Variants in CYP26C1 observed in about 807,000 individuals in gnomAD.
CYP26C1 encodes the protein cytochrome P450 26C1.
A neutral mutation model predicts 39.1 loss-of-function variants in CYP26C1; 41 were observed. The ratio of observed to expected loss-of-function variants is 1.05; its 90% CI spans 0.82 to 1.36. The LOEUF is 1.36. CYP26C1 is among the 40% of genes most tolerant of loss of function. The pLI, the probability that CYP26C1 is intolerant of heterozygous loss-of-function variation, is 0.00. For missense variants in CYP26C1, 833 were observed against 752.0 expected, an observed-to-expected ratio of 1.11 and a Z score of -1.26; for synonymous variants, 362 against 350.8, an observed-to-expected ratio of 1.03 and a Z score of -0.36.
At position 93,069,368 on chromosome 10, in the gene CYP26C1, C is replaced by T. The variant is rs906892512; in HGVS notation, c.*671C>T. On this transcript the variant is annotated 3_prime_UTR_variant, in exon 6 of 6. Transcript: ENST00000651965. ...TGGCCACTTCTTAAAAGGAAAAATT[C>T]CTACCTTAAGAAGGCATTTACTCTT... 6.6e-6 allele frequency: 1 copy of T among 152,208 alleles called. No individual in the cohort carries two copies. The highest frequency in any genetic ancestry group is 1.5e-5 in the Non-Finnish European group (1 of 68,052). The allele number at this position is 152,208 out of a possible 1,614,324, so 9.4% of individuals were successfully genotyped here.
chr10:93,063,365 C>G, intron 3 of CYP26C1: 7 of 1,036,270 alleles, frequency 6.8e-6, no homozygotes, highest in Non-Finnish European at 8.1e-6. Flanking sequence ...ATCACCTCTT[C>G]GGAAGCCCAG....
Position 93,062,798 on chromosome 10 carries a change from C to T in CYP26C1, c.508C>T (p.Arg170Cys), listed in dbSNP as rs746340948. 1 of 1,543,602 alleles carries T rather than the reference C, an allele frequency of 6.5e-7. No homozygotes were observed. Among genetic ancestry groups the T allele is most frequent in the Non-Finnish European group, 8.7e-7 (1 of 1,151,490 alleles). The change falls in exon 3 of 6, where the codon CGC becomes TGC. Residue 170 changes from arginine to cysteine, a missense_variant. Arg to Cys is a radical substitution (Grantham distance 180). Transcript: ENST00000651965. ...GCAGGGGGCGCTGCGGCATGAGGTGCGCTCCTGGTGCGCGGCGGGCGGGCC... is the reference window on the plus strand; with the variant it reads ...GCAGGGGGCGCTGCGGCATGAGGTGTGCTCCTGGTGCGCGGCGGGCGGGCC... ...RLQGALRHEV[R>C]SWCAAGGPVS...
At chr10:93,063,115 G>T (rs1018899328) in intron 3 of CYP26C1, 120 bp downstream of exon 3, 235 of 1,435,490 alleles carry the variant, frequency 1.6e-4, no homozygotes, top group Non-Finnish European at 2.0e-4. Flanking sequence ...TGGGAACGGC[G>T]GCAGGGCCCG....
intron 3 of CYP26C1, chr10:93,064,042 G>A (rs1046951470): frequency 2.1e-5 from 23 of 1,100,092 alleles, no homozygotes; most frequent in East Asian, 1.3e-4. Context: ...GACCCTAGCC[G>A]CACTGGGCTC....
chr10:93,068,232 G>T, intron 5 of CYP26C1, 88 bp from the exon 6 acceptor site: 1 of 1,412,778 alleles, frequency 7.1e-7, no homozygotes, highest in Non-Finnish European at 9.3e-7. Flanking sequence ...TCGGAAGCCT[G>T]ATGGAAGCAC....
Position 93,064,325 on chromosome 10 carries a change from C to T in CYP26C1, c.706-56C>T, listed in dbSNP as rs770989773. ...TGAGAAGGTTTTCTGGGTAAGTGGCCGGGCTTGGCCCCCTTAGCCTTCCTG... is the reference window on the plus strand; with the variant it reads ...TGAGAAGGTTTTCTGGGTAAGTGGCTGGGCTTGGCCCCCTTAGCCTTCCTG... On this transcript the variant is annotated intron_variant, in intron 3 of 5. Transcript: ENST00000651965. 2.9e-4 allele frequency: 444 copies of T among 1,545,370 alleles called. 1 individual carries two copies. Among genetic ancestry groups the T allele is most frequent in the Middle Eastern group, 5.3e-4 (3 of 5,618 alleles).
At chr10:93,062,517 G>A (rs1846764731) in intron 2 of CYP26C1, among the ~76,000 whole-genome samples, 1 of 152,236 alleles carries the variant, frequency 6.6e-6, no homozygotes, top group Non-Finnish European at 1.5e-5. Context: ...TAGAGGAGAT[G>A]GCAGCTGGAG....
At chr10:93,064,243 C>T in intron 3 of CYP26C1, 138 bp from the exon 4 acceptor site, 1 of 1,439,432 alleles carries the variant, frequency 6.9e-7, no homozygotes, top group South Asian at 1.5e-5. Flanking sequence ...AGCCATATGC[C>T]AGGCCAGGAG....
Position 93,068,509 on chromosome 10 carries a change from G to C in CYP26C1, c.1381G>C (p.Gly461Arg), listed in dbSNP as rs759002311. 1.1e-5 allele frequency: 17 copies of C among 1,605,624 alleles called. No homozygotes were observed. The South Asian group carries it at 1.6e-4, about 15-fold the overall frequency. ...PFGGGARSCL[G>R]QELAQAVLQL... Reference sequence around the variant, plus strand: ...CGGCGGCGGTGCGCGCAGCTGCCTCGGCCAGGAGCTGGCGCAAGCCGTGCT... The same window carrying C: ...CGGCGGCGGTGCGCGCAGCTGCCTCCGCCAGGAGCTGGCGCAAGCCGTGCT... Residue 461 changes from glycine (G) to arginine (R), a missense_variant, in exon 6 of 6, where the codon GGC becomes CGC. Physicochemically the swap from Gly to Arg is moderately radical, Grantham distance 125. Coordinates refer to ENST00000651965, the MANE Select transcript of CYP26C1 (RefSeq NM_183374.3).
In CYP26C1 at chr10:93,061,205, G is replaced by A. The variant is rs936879480; in HGVS notation, c.-59G>A. On this transcript the variant is annotated 5_prime_UTR_variant, in exon 1 of 6. Coordinates refer to ENST00000651965, the MANE Select transcript of CYP26C1 (RefSeq NM_183374.3). ...GAGCACTGCGCACTGCTCGCGCCCC[G>A]GTTCTTGCGTCCCCTGCTCTCCCTG... 2 of 1,527,570 alleles carry A rather than the reference G, an allele frequency of 1.3e-6. No homozygotes were observed. Among genetic ancestry groups the A allele is most frequent in the Admixed American group, 2.0e-5 (1 of 50,252 alleles). The allele number at this position is 1,527,570 out of a possible 1,614,324, so 94.6% of individuals were successfully genotyped here.
chr10:93,066,698 C>T (rs1846833963), intron 5 of CYP26C1, among the ~76,000 whole-genome samples: 1 of 152,228 alleles, frequency 6.6e-6, no homozygotes, highest in Non-Finnish European at 1.5e-5. Context: ...CTCTGGCTCC[C>T]TCACAAGATG....
At position 93,060,823 on chromosome 10, in the gene CYP26C1, A is replaced by C; in HGVS notation, c.-441A>C. Reference sequence around the variant, plus strand: ...AGGGTTAAACGACTGGAGGAGGGACAGGTGGGGCGGGGGTCTGCAGACCAG... The same window carrying C: ...AGGGTTAAACGACTGGAGGAGGGACCGGTGGGGCGGGGGTCTGCAGACCAG... On this transcript the variant is annotated 5_prime_UTR_variant, in exon 1 of 6. Coordinates refer to ENST00000651965, the MANE Select transcript of CYP26C1 (RefSeq NM_183374.3). 1 of 200,644 alleles carries C rather than the reference A, an allele frequency of 5.0e-6. No homozygotes were observed. The highest frequency in any genetic ancestry group is 1.0e-5 in the Non-Finnish European group (1 of 100,008). 12.4% of individuals were successfully genotyped at this position (200,644 alleles called of 1,614,324 possible).
At chr10:93,063,395 G>A (rs940377901) in intron 3 of CYP26C1, 2 of 1,007,430 alleles carry the variant, frequency 2.0e-6, no homozygotes, top group African/African-American at 1.7e-5. Flanking sequence ...GAACCGAGGA[G>A]AGCGTGAGGG....
At chr10:93,066,465 T>A (rs1813443759) in intron 5 of CYP26C1, among the ~76,000 whole-genome samples, 180 bp downstream of exon 5, 2 of 152,282 alleles carry the variant, frequency 1.3e-5, no homozygotes, top group South Asian at 4.1e-4. Context: ...CTGAGCCTTG[T>A]TCCACCTCCC....
In CYP26C1 at chr10:93,065,890, C is replaced by A. The variant is rs926035670; in HGVS notation, c.862-66C>A. 5 of 1,419,172 alleles carry A rather than the reference C, an allele frequency of 3.5e-6. No individual in the cohort carries two copies. The African/African-American group carries it at 7.5e-5, about 21-fold the overall frequency. The allele number at this position is 1,419,172 out of a possible 1,614,324, so 87.9% of individuals were successfully genotyped here. A position where few individuals can be genotyped will look rare whatever the true frequency, so the allele number is the denominator to read the frequency against. ...TGGGTGCTTTTCATCTCCACGGGGC[C>A]GTCGGGTCAGCGCCCCGGGCGACTC... On this transcript the variant is annotated intron_variant, in intron 4 of 5. Transcript: ENST00000651965.
At chr10:93,064,949 G>T (rs577174415) in intron 4 of CYP26C1, among the ~76,000 whole-genome samples, 26 of 152,080 alleles carry the variant, frequency 1.7e-4, no homozygotes, top group Non-Finnish European at 8.8e-5. Context: ...CATCCTCAAA[G>T]CTCCCTTCTT....
At chr10:93,066,350 CCGCCT>C (rs1846828879) in intron 5 of CYP26C1, 65 bp downstream of exon 5, 3 of 1,235,258 alleles carry the variant, frequency 2.4e-6, no homozygotes, top group Admixed American at 4.2e-5. Context: ...CTGCCGCCTG[CCGCCT>C]GCCGCGGCGG....
At chr10:93,063,695 A>C (rs777070496) in intron 3 of CYP26C1, 26 of 984,434 alleles carry the variant, frequency 2.6e-5, no homozygotes, top group Non-Finnish European at 2.9e-5. Context: ...ACGTTTTCTG[A>C]TCTAATCCTC....
chr10:93,061,437 C>G lies in CYP26C1; in HGVS notation c.174C>G (p.Phe58Leu). The G allele has an allele frequency of 6.4e-7, 1 of 1,554,236 alleles. No individual in the cohort carries two copies. Among genetic ancestry groups the G allele is most frequent in the Non-Finnish European group, 8.7e-7 (1 of 1,149,326 alleles). The change falls in exon 1 of 6, where the codon TTC becomes TTG. Residue 58 changes from phenylalanine to leucine, a missense_variant. Transcript: ENST00000651965. ...PLPKGSMGWPFFGETLHWLVQ... is the reference protein window; with the variant it reads ...PLPKGSMGWPLFGETLHWLVQ... Reference sequence around the variant, plus strand: ...CCAAGGGCTCCATGGGGTGGCCCTTCTTCGGCGAAACGCTGCACTGGTTAG... The same window carrying G: ...CCAAGGGCTCCATGGGGTGGCCCTTGTTCGGCGAAACGCTGCACTGGTTAG...
Sources: allele counts gnomAD v4.1 joint callset (sites outside exome capture counted in the v4.1 genomes callset), GRCh38; gene constraint gnomAD v4.1.1; transcripts MANE v1.5; gene names NCBI Gene and HGNC (gene_info 2026-07-23, HGNC 2026-07-21).